Variants in SLC6A18 observed in about 807,000 individuals in gnomAD.
The protein encoded by SLC6A18 is solute carrier family 6 member 18.
A neutral mutation model predicts 62.9 loss-of-function variants in SLC6A18; 58 were observed. The ratio of observed to expected loss-of-function variants is 0.92; its 90% confidence interval spans 0.75 to 1.15. SLC6A18 has a LOEUF of 1.15. SLC6A18 is among the 50% of genes most tolerant of loss of function. SLC6A18 has a pLI of 0.00. For synonymous variants in SLC6A18, 382 were observed against 365.8 expected, an observed-to-expected ratio of 1.04 and a Z score of -0.51; for missense variants, 793 against 836.6, an observed-to-expected ratio of 0.95 and a Z score of 0.64.
rs113853849 is a variant in SLC6A18, at chr5:1,242,621, C to T, written c.975-86C>T. ...GAGGGGCCCAGCCCTCCCAGGGATG[C>T]TGTGCTTCGCAGCACCAACCAAGGG... is the stretch of plus-strand genomic sequence containing the variant. On this transcript the variant is annotated intron_variant, in intron 7 of 11. Transcript: ENST00000324642. 6.8e-4 allele frequency: 1,016 copies of T among 1,502,006 alleles called. 10 individuals are homozygous for T. The African/African-American group carries it at 0.012, about 17-fold the overall frequency. The allele number at this position is 1,502,006 out of a possible 1,614,324, so 93.0% of individuals were successfully genotyped here.
At chr5:1,236,208 T>G (rs1746880374) in intron 4 of SLC6A18, among the ~76,000 whole-genome samples, 1 of 152,178 alleles carries the variant, frequency 6.6e-6, no homozygotes, top group Admixed American at 6.5e-5. Flanking sequence ...TGGTTTAGCT[T>G]TAACTCTCTC....
chr5:1,235,289 G>A (rs903590905), intron 3 of SLC6A18, among the ~76,000 whole-genome samples, 192 bp from the exon 4 acceptor site: 7 of 152,194 alleles, frequency 4.6e-5, no homozygotes, highest in African/African-American at 1.7e-4. Context: ...TCCCTTTGAG[G>A]TTCACTCAGC....
chr5:1,233,891 G>T (rs1004168896), intron 3 of SLC6A18, among the ~76,000 whole-genome samples: 2 of 152,072 alleles, frequency 1.3e-5, no homozygotes, highest in African/African-American at 4.8e-5. Context: ...ACAGGCGCCT[G>T]CCACCAGGCC....
At chr5:1,244,161 A>ACCC in intron 9 of SLC6A18, 53 bp from the exon 10 acceptor site, 1 of 1,010,346 alleles carries the variant, frequency 9.9e-7, no homozygotes, top group Non-Finnish European at 1.4e-6. Flanking sequence ...GACCCTCCCC[A>ACCC]CACCTCCACT....
At chr5:1,235,265 C>T (rs949182883) in intron 3 of SLC6A18, among the ~76,000 whole-genome samples, 5 of 152,226 alleles carry the variant, frequency 3.3e-5, no homozygotes, top group African/African-American at 4.8e-5. Flanking sequence ...CGTAAACCTT[C>T]GCAAAGTGGA....
intron 2 of SLC6A18, 127 bp from the exon 3 acceptor site, chr5:1,232,624 C>A: frequency 7.2e-7 from 1 of 1,381,000 alleles, no homozygotes; most frequent in South Asian, 1.5e-5. Context: ...TGAGGGAGGC[C>A]TGGCTTTCAG....
intron 3 of SLC6A18, among the ~76,000 whole-genome samples, chr5:1,233,283 G>A (rs1407983458): frequency 2.6e-5 from 4 of 152,190 alleles, no homozygotes; most frequent in Admixed American, 2.6e-4. Flanking sequence ...TTCAAGACCA[G>A]CCTGACCAAT....
intron 4 of SLC6A18, among the ~76,000 whole-genome samples, chr5:1,236,964 T>G (rs538091297): frequency 6.9e-4 from 105 of 151,946 alleles, no homozygotes; most frequent in Non-Finnish European, 1.4e-3. Flanking sequence ...CTGGGCACAG[T>G]GGCTCATGCC....
chr5:1,235,226 G>T (rs909291645), intron 3 of SLC6A18, among the ~76,000 whole-genome samples: 4 of 152,244 alleles, frequency 2.6e-5, no homozygotes, highest in African/African-American at 9.6e-5. Flanking sequence ...CGTCCAAGGG[G>T]CTGCAGGCTG....
In SLC6A18 at chr5:1,243,871, G is replaced by A. The variant is rs1369709664; in HGVS notation, c.1336+112G>A. ...ATGGAGAGCGCAAGGGGCCAAGCCT[G>A]AGTTCAGGGAAAGGCTGAGCCAGGC... On this transcript the variant is annotated intron_variant, in intron 9 of 11. Transcript: ENST00000324642. The surrounding 1 kb of genome is among the most constrained non-coding windows in gnomAD (Gnocchi z 6.5). 1 of 1,051,046 alleles carries A rather than the reference G, an allele frequency of 9.5e-7. No individual in the cohort carries two copies. The highest frequency in any genetic ancestry group is 1.6e-5 in the African/African-American group (1 of 62,314). The allele number at this position is 1,051,046 out of a possible 1,614,324, so 65.1% of individuals were successfully genotyped here. A position where few individuals can be genotyped will look rare whatever the true frequency, so the allele number is the denominator to read the frequency against.
rs899421280 is a variant in SLC6A18, at chr5:1,243,870, T to C, written c.1336+111T>C. The C allele has an allele frequency of 2.8e-6, 3 of 1,068,020 alleles. No individual in the cohort carries two copies. The highest frequency in any genetic ancestry group is 3.3e-5 in the South Asian group (2 of 61,044). 66.2% of individuals were successfully genotyped at this position (1,068,020 alleles called of 1,614,324 possible). The stretch of plus-strand genomic sequence containing the variant: ...GATGGAGAGCGCAAGGGGCCAAGCC[T>C]GAGTTCAGGGAAAGGCTGAGCCAGG... On this transcript the variant is annotated intron_variant, in intron 9 of 11. Coordinates refer to ENST00000324642, the MANE Select transcript of SLC6A18 (RefSeq NM_182632.3). This position sits in a 1 kb window ranked among gnomAD's most constrained non-coding sequence, Gnocchi z 6.5.
At position 1,244,228 on chromosome 5, in the gene SLC6A18, G is replaced by C; in HGVS notation, c.1351G>C (p.Val451Leu). 1.2e-6 allele frequency: 2 copies of C among 1,612,910 alleles called. No individual in the cohort carries two copies. Among genetic ancestry groups the C allele is most frequent in the South Asian group, 1.1e-5 (1 of 91,024 alleles). The change falls in exon 10 of 12, where the codon GTC becomes CTC. Residue 451 changes from valine to leucine, a missense_variant. By Grantham distance (32) the Val-to-Leu change is conservative. Transcript: ENST00000324642. ...CACTGCCCCAGGGCTGGTCTGCCTGGTCTGCTTCCTCTCCGCCACCTGCTT... is the reference window on the plus strand; with the variant it reads ...CACTGCCCCAGGGCTGGTCTGCCTGCTCTGCTTCCTCTCCGCCACCTGCTT... ...KEALTGLVCL[V>L]CFLSATCFTL... is the part of the protein sequence containing the mutation.
At chr5:1,238,923 G>C (rs144213837) in intron 5 of SLC6A18, among the ~76,000 whole-genome samples, 266 of 152,346 alleles carry the variant, frequency 1.7e-3, no homozygotes, top group African/African-American at 6.0e-3. Context: ...TACTATCCCA[G>C]ATCGCGGCAC....
chr5:1,232,160 C>A, intron 1 of SLC6A18, 59 bp from the exon 2 acceptor site: 2 of 1,528,572 alleles, frequency 1.3e-6, no homozygotes, highest in South Asian at 1.2e-5. Flanking sequence ...CCCTGGCCCA[C>A]GCCACAGTCC....
At chr5:1,245,383 T>C (rs975142619) in intron 11 of SLC6A18, among the ~76,000 whole-genome samples, 2 of 152,182 alleles carry the variant, frequency 1.3e-5, no homozygotes, top group East Asian at 3.9e-4. Flanking sequence ...CTCGGGAATG[T>C]GGACGCCACT....
rs1747138555 is a variant in SLC6A18, at chr5:1,243,877, A to G, written c.1336+118A>G. The G allele has an allele frequency of 2.9e-6, 3 of 1,022,264 alleles. No homozygotes were observed. The highest frequency in any genetic ancestry group is 1.7e-5 in the South Asian group (1 of 59,590). 63.3% of individuals were successfully genotyped at this position (1,022,264 alleles called of 1,614,324 possible). A position where few individuals can be genotyped will look rare whatever the true frequency, so the allele number is the denominator to read the frequency against. On this transcript the variant is annotated intron_variant, in intron 9 of 11. Transcript: ENST00000324642. The surrounding 1 kb of genome is among the most constrained non-coding windows in gnomAD (Gnocchi z 6.5). Reference sequence around the variant, plus strand: ...AGCGCAAGGGGCCAAGCCTGAGTTCAGGGAAAGGCTGAGCCAGGCTACTCC... The same window carrying G: ...AGCGCAAGGGGCCAAGCCTGAGTTCGGGGAAAGGCTGAGCCAGGCTACTCC...
rs765310009 is a variant in SLC6A18 at position 1,232,181 on chromosome 5, C to T, written c.161-38C>T. 1.8e-5 allele frequency: 28 copies of T among 1,592,700 alleles called. No individual in the cohort carries two copies. The African/African-American group carries it at 3.1e-4, about 18-fold the overall frequency. On this transcript the variant is annotated intron_variant, in intron 1 of 11. Coordinates refer to ENST00000324642, the MANE Select transcript of SLC6A18 (RefSeq NM_182632.3). ...CCCACGCCACAGTCCCCCCCAGCCC[C>T]CGACCCTGGGCAGGTGCTGACCACC...
intron 4 of SLC6A18, among the ~76,000 whole-genome samples, chr5:1,235,933 C>G (rs1381035904): frequency 6.6e-6 from 1 of 152,138 alleles, no homozygotes; most frequent in African/African-American, 2.4e-5. Flanking sequence ...TTTTTCCATC[C>G]TTTTTCTTTT....
Position 1,232,757 on chromosome 5 carries a change from G to T in SLC6A18, c.308G>T (p.Gly103Val). The change falls in exon 3 of 12, where the codon GGC becomes GTC. Residue 103 changes from glycine to valine, a missense_variant. Gly to Val is a moderately radical substitution (Grantham distance 109, BLOSUM62 -3). Transcript: ENST00000324642. Reference sequence around the variant, plus strand: ...ACATGGTCCCTGTCCACAGGGCTGGGCTGTGTCACGCTGTCCTTCCTGATC... The same window carrying T: ...ACATGGTCCCTGTCCACAGGGCTGGTCTGTGTCACGCTGTCCTTCCTGATC... ...ISPYLSGVGL[G>V]CVTLSFLISL... 6.2e-7 allele frequency: 1 copy of T among 1,612,680 alleles called. No homozygotes were observed. The highest frequency in any genetic ancestry group is 8.5e-7 in the Non-Finnish European group (1 of 1,179,506).
Sources: allele counts gnomAD v4.1 joint callset (sites outside exome capture counted in the v4.1 genomes callset), GRCh38; gene constraint gnomAD v4.1.1; non-coding constraint Gnocchi (gnomAD v3.1); transcripts MANE v1.5; gene names NCBI Gene and HGNC (gene_info 2026-07-23, HGNC 2026-07-21).